Variants in ADAMTS3 observed in about 807,000 individuals in gnomAD.
ADAMTS3 encodes A disintegrin and metalloproteinase with thrombospondin motifs 3.
ADAMTS3 carries 73 observed loss-of-function variants against 129.0 expected under a neutral mutation model. The ratio of observed to expected loss-of-function variants is 0.57; its 90% CI spans 0.47 to 0.69. ADAMTS3 has a LOEUF of 0.69. Ranked by LOEUF, ADAMTS3 falls within the 30% of genes least tolerant of loss-of-function variation. The pLI is 0.00. For missense variants in ADAMTS3, 1,457 were observed against 1,514.5 expected (o/e 0.96, Z 0.63); for synonymous variants, 477 against 510.8 (o/e 0.93, Z 0.89).
In ADAMTS3 at chr4:72,452,249, T is replaced by C. The variant is rs1277027908; in HGVS notation, c.505-37278A>G. Among the ~76,000 whole-genome samples the C allele has an allele frequency of 4.6e-5, 7 of 151,762 alleles. No homozygotes were observed. In the South Asian group the frequency reaches 6.2e-4, roughly 13 times the overall value. ...TACACTTCACAAAATGTGTTATCTA[T>C]AGCAATAGACATGTTATAATACGTA... is the stretch of plus-strand genomic sequence containing the variant. On this transcript the variant is annotated intron_variant, in intron 3 of 21. Transcript: ENST00000286657.
chr4:72,400,077 CATGGTGTGTATAT>C (rs1318925301), intron 4 of ADAMTS3, among the ~76,000 whole-genome samples: 6 of 21,974 alleles, frequency 2.7e-4, no homozygotes, highest in Non-Finnish European at 7.5e-4. Context: ...TATATGCACA[CATGGTGTGTATAT>C]ACGTGTGTAT....
At chr4:72,553,538 A>G (rs1721692306) in intron 2 of ADAMTS3, among the ~76,000 whole-genome samples, 1 of 152,120 alleles carries the variant, frequency 6.6e-6, no homozygotes, top group African/African-American at 2.4e-5. Context: ...AGTGGTAGAG[A>G]GCCTTTAACC....
At chr4:72,461,748 T>C (rs1214874954) in intron 3 of ADAMTS3, among the ~76,000 whole-genome samples, 1 of 151,932 alleles carries the variant, frequency 6.6e-6, no homozygotes, top group African/African-American at 2.4e-5. Context: ...TTGGCTAACT[T>C]AATTATTTCA....
chr4:72,336,710 G>A (rs1198657905), intron 5 of ADAMTS3, among the ~76,000 whole-genome samples: 1 of 152,028 alleles, frequency 6.6e-6, no homozygotes. Context: ...TTTAGAACAA[G>A]GTTTCTAAAT....
At chr4:72,381,801 C>A (rs1330789487) in intron 4 of ADAMTS3, among the ~76,000 whole-genome samples, 3 of 152,278 alleles carry the variant, frequency 2.0e-5, no homozygotes, top group Non-Finnish European at 2.9e-5. Flanking sequence ...GATCTACACA[C>A]CACTTTCTGA....
intron 3 of ADAMTS3, among the ~76,000 whole-genome samples, chr4:72,444,819 G>A (rs944472994): frequency 6.6e-6 from 1 of 151,708 alleles, no homozygotes; most frequent in Non-Finnish European, 1.5e-5. Context: ...CTGAAGAATG[G>A]GTAAATAAAA....
intron 19 of ADAMTS3, among the ~76,000 whole-genome samples, chr4:72,292,527 A>G (rs1282244128): frequency 2.6e-5 from 4 of 152,204 alleles, no homozygotes; most frequent in Non-Finnish European, 5.9e-5. Context: ...ATTTTCCAAA[A>G]TATTAACCAG....
chr4:72,495,401 G>A (rs897338383), intron 3 of ADAMTS3, among the ~76,000 whole-genome samples: 2 of 152,090 alleles, frequency 1.3e-5, no homozygotes, highest in African/African-American at 2.4e-5. Flanking sequence ...GCTCTCAGAT[G>A]GGGTGGGGTT....
chr4:72,445,754 C>T (rs1718234180), intron 3 of ADAMTS3, among the ~76,000 whole-genome samples: 1 of 151,656 alleles, frequency 6.6e-6, no homozygotes, highest in Non-Finnish European at 1.5e-5. Context: ...ACCTTAATTC[C>T]AGCATAAAAT....
At chr4:72,371,838 G>A (rs1349247859) in intron 4 of ADAMTS3, among the ~76,000 whole-genome samples, 1 of 151,150 alleles carries the variant, frequency 6.6e-6, no homozygotes, top group African/African-American at 2.4e-5. Context: ...TGTGATCATA[G>A]AACATTGGTT....
intron 3 of ADAMTS3, among the ~76,000 whole-genome samples, chr4:72,425,579 G>A (rs1722550410): frequency 6.6e-6 from 1 of 152,104 alleles, no homozygotes; most frequent in Admixed American, 6.6e-5. Context: ...GTGAGAACAT[G>A]CAGTGTTTGG....
At position 72,335,255 on chromosome 4, in the gene ADAMTS3, T is replaced by A. The variant is rs75005878; in HGVS notation, c.861+4239A>T. Reference sequence around the variant, plus strand: ...TGTGCCTGAATCTCTGATAAGTACTTTACATAAATTATTTAATTTATGCAT... The same window carrying A: ...TGTGCCTGAATCTCTGATAAGTACTATACATAAATTATTTAATTTATGCAT... On this transcript the variant is annotated intron_variant, in intron 5 of 21. Coordinates refer to ENST00000286657, the MANE Select transcript of ADAMTS3 (RefSeq NM_014243.3). Among the ~76,000 whole-genome samples, 719 of 152,222 alleles carry A rather than the reference T, an allele frequency of 4.7e-3. 6 individuals carry two copies. Among genetic ancestry groups the A allele is most frequent in the African/African-American group, 0.017 (686 of 41,532 alleles).
At chr4:72,530,635 ATATAT>A (rs1264252655) in intron 3 of ADAMTS3, among the ~76,000 whole-genome samples, 4 of 81,808 alleles carry the variant, frequency 4.9e-5, no homozygotes, top group Non-Finnish European at 8.6e-5. Flanking sequence ...TTATTATATA[ATATAT>A]TATATATAAT....
intron 3 of ADAMTS3, among the ~76,000 whole-genome samples, chr4:72,420,228 C>T (rs951478892): frequency 6.6e-6 from 1 of 152,158 alleles, no homozygotes; most frequent in Non-Finnish European, 1.5e-5. Flanking sequence ...TCACCGCCTT[C>T]AAGACTCCAC....
At chr4:72,418,153 T>A (rs1722356820) in intron 3 of ADAMTS3, among the ~76,000 whole-genome samples, 1 of 151,626 alleles carries the variant, frequency 6.6e-6, no homozygotes, top group South Asian at 2.1e-4. Flanking sequence ...TCCTCCATAA[T>A]CTCACCAGAC....
intron 3 of ADAMTS3, among the ~76,000 whole-genome samples, chr4:72,514,433 A>T (rs1720399069): frequency 6.6e-6 from 1 of 152,182 alleles, no homozygotes; most frequent in Admixed American, 6.6e-5. Flanking sequence ...AAACATTATC[A>T]TCAGAATTGC....
chr4:72,321,335 CTTT>C (rs1210206317), intron 6 of ADAMTS3, among the ~76,000 whole-genome samples: 2 of 143,468 alleles, frequency 1.4e-5, no homozygotes, highest in African/African-American at 4.9e-5. Context: ...CCATTCCTGG[CTTT>C]TTTTTTGTTT....
chr4:72,436,199 T>G (rs1717913880), intron 3 of ADAMTS3, among the ~76,000 whole-genome samples: 1 of 152,088 alleles, frequency 6.6e-6, no homozygotes, highest in Admixed American at 6.5e-5. Flanking sequence ...GCAAAGGATA[T>G]GAACAGACAC....
chr4:72,347,462 C>A (rs1720318975), intron 4 of ADAMTS3, among the ~76,000 whole-genome samples: 1 of 151,412 alleles, frequency 6.6e-6, no homozygotes, highest in African/African-American at 2.4e-5. Flanking sequence ...ACACAGTGCT[C>A]TGAAAAAGAC....
Sources: gnomAD v4.1 joint callset for allele counts (sites outside exome capture counted in the v4.1 genomes callset) on GRCh38, gnomAD v4.1.1 for gene constraint, MANE v1.5 for transcripts, NCBI Gene and HGNC (gene_info 2026-07-23, HGNC 2026-07-21) for gene names.